DNER: variants seen among roughly 807,000 people sequenced by gnomAD.
The protein encoded by DNER is delta and Notch-like epidermal growth factor-related receptor.
DNER carries 33 observed loss-of-function variants against 78.2 expected under a neutral mutation model. The ratio of observed to expected loss-of-function variants is 0.42; its 90% CI spans 0.32 to 0.56. DNER has a LOEUF of 0.56. Ranked by LOEUF, DNER falls within the 20% of genes least tolerant of loss-of-function variation. The probability of loss-of-function intolerance (pLI) is 0.11; values close to 1 mark genes in which losing one functional copy is unlikely to be tolerated. For synonymous variants in DNER, 417 were observed against 384.8 expected (o/e 1.08, Z -0.98); for missense variants, 918 against 975.3 (o/e 0.94, Z 0.78).
chr2:229,674,930 T>G (rs1384921868), intron 1 of DNER, among the ~76,000 whole-genome samples: 1 of 152,222 alleles, frequency 6.6e-6, no homozygotes, highest in Non-Finnish European at 1.5e-5. Context: ...AGCTGGAAGA[T>G]GTCCCTCATG....
At chr2:229,664,005 A>G (rs1392812259) in intron 1 of DNER, among the ~76,000 whole-genome samples, 1 of 152,174 alleles carries the variant, frequency 6.6e-6, no homozygotes, top group Non-Finnish European at 1.5e-5. Context: ...ACATTCCAAA[A>G]AGGCCTTGAA....
intron 6 of DNER, among the ~76,000 whole-genome samples, chr2:229,487,596 G>A (rs1477749309): frequency 1.3e-5 from 2 of 152,188 alleles, no homozygotes; most frequent in Non-Finnish European, 1.5e-5. Context: ...CAAGTTAGGG[G>A]ATTGACTTAA....
intron 5 of DNER, among the ~76,000 whole-genome samples, chr2:229,517,287 G>T (rs529772046): frequency 1.3e-5 from 2 of 152,290 alleles, no homozygotes; most frequent in Non-Finnish European, 2.9e-5. Context: ...CTCTCCTGGG[G>T]TTTATATTCT....
chr2:229,644,463 C>T (rs1698679594), intron 1 of DNER, among the ~76,000 whole-genome samples: 1 of 151,410 alleles, frequency 6.6e-6, no homozygotes, highest in Non-Finnish European at 1.5e-5. Context: ...CCTACCTCAG[C>T]CTCCTGTAAT....
chr2:229,680,173 GAAT>G (rs1699362336), intron 1 of DNER, among the ~76,000 whole-genome samples: 1 of 152,122 alleles, frequency 6.6e-6, no homozygotes, highest in African/African-American at 2.4e-5. Context: ...ATCCACAGAG[GAAT>G]AATGGTACAA....
chr2:229,358,672 C>T (rs755150645), intron 12 of DNER, 21 bp from the exon 13 acceptor site: 9 of 1,601,202 alleles, frequency 5.6e-6, no homozygotes, highest in Non-Finnish European at 6.8e-6. Flanking sequence ...AGAGAAAGGA[C>T]TCTGGTTAGA....
At chr2:229,455,512 T>G (rs573114047) in intron 7 of DNER, among the ~76,000 whole-genome samples, 2 of 152,178 alleles carry the variant, frequency 1.3e-5, no homozygotes, top group South Asian at 4.1e-4. Flanking sequence ...ATTTTCACAT[T>G]TGTATGAATC....
At chr2:229,606,871 G>A (rs1271399338) in intron 1 of DNER, among the ~76,000 whole-genome samples, 1 of 152,014 alleles carries the variant, frequency 6.6e-6, no homozygotes, top group Non-Finnish European at 1.5e-5. Flanking sequence ...TCCATCCTAG[G>A]CAACGAGAGC....
chr2:229,383,148 T>G (rs779141046), intron 11 of DNER, among the ~76,000 whole-genome samples: 1 of 152,196 alleles, frequency 6.6e-6, no homozygotes, highest in East Asian at 1.9e-4. Flanking sequence ...CAGAATTTCA[T>G]ATCCAGCCAA....
intron 6 of DNER, among the ~76,000 whole-genome samples, chr2:229,509,320 CA>C (rs1695815004): frequency 6.6e-6 from 1 of 152,186 alleles, no homozygotes; most frequent in South Asian, 2.1e-4. Flanking sequence ...ACATTACTTC[CA>C]AAAGAGATAT....
intron 6 of DNER, among the ~76,000 whole-genome samples, chr2:229,508,023 A>G (rs919046448): frequency 7.9e-5 from 12 of 152,204 alleles, no homozygotes; most frequent in African/African-American, 2.7e-4. Context: ...AATCAACAAG[A>G]AGAGTGTGCA....
At chr2:229,686,931 C>T (rs1699492863) in intron 1 of DNER, among the ~76,000 whole-genome samples, 1 of 152,214 alleles carries the variant, frequency 6.6e-6, no homozygotes, top group Admixed American at 6.5e-5. Context: ...ATCCCAAAAT[C>T]TTTACATAAC....
chr2:229,500,607 G>A (rs75242787), intron 6 of DNER, among the ~76,000 whole-genome samples: 18,977 of 152,100 alleles, frequency 0.12, 1,322 homozygotes, highest in South Asian at 0.2. Flanking sequence ...CATTATTTAC[G>A]AATAGTCAAG....
At chr2:229,680,367 C>G (rs1699365355) in intron 1 of DNER, among the ~76,000 whole-genome samples, 1 of 152,166 alleles carries the variant, frequency 6.6e-6, no homozygotes, top group South Asian at 2.1e-4. Flanking sequence ...CATTGGCCAA[C>G]TCTTAATTGG....
At chr2:229,554,937 G>GA (rs1559165514) in intron 4 of DNER, among the ~76,000 whole-genome samples, 14 of 32,234 alleles carry the variant, frequency 4.3e-4, no homozygotes, top group Non-Finnish European at 4.9e-4. Context: ...GAAGAGAAGA[G>GA]AGAAAAGGGA....
At position 229,367,047 on chromosome 2, in the gene DNER, A is replaced by G; in HGVS notation, c.1928T>C (p.Ile643Thr). The change falls in exon 12 of 13, where the codon ATT becomes ACT. Residue 643 changes from isoleucine to threonine, a missense_variant. By Grantham distance (89) the Ile-to-Thr change is moderately conservative. Coordinates refer to ENST00000341772, the MANE Select transcript of DNER (RefSeq NM_139072.4). ...GATGAAGGCCACGCAGAGGGCTCCA[A>G]TGATGATGTAGAGGGAGTGCCGTGG... ...NMPRHSLYIIIGALCVAFILM... is the reference protein window; with the variant it reads ...NMPRHSLYIITGALCVAFILM... 1 of 1,614,096 alleles carries G rather than the reference A, an allele frequency of 6.2e-7. No individual in the cohort carries two copies.
chr2:229,668,047 GC>G (rs1340219197), intron 1 of DNER, among the ~76,000 whole-genome samples: 1 of 152,140 alleles, frequency 6.6e-6, no homozygotes, highest in African/African-American at 2.4e-5. Context: ...CCCAAATCTT[GC>G]CAAATAGTGT....
chr2:229,505,220 T>TGTGTGTGTGTGGG (rs1478541943), intron 6 of DNER, among the ~76,000 whole-genome samples: 1 of 32,322 alleles, frequency 3.1e-5, no homozygotes, highest in African/African-American at 7.5e-5. Context: ...GTGTGTGTGT[T>TGTGTGTGTGTGGG]GGCTACAATA....
intron 12 of DNER, among the ~76,000 whole-genome samples, chr2:229,365,321 T>A (rs2106325687): frequency 6.6e-6 from 1 of 152,232 alleles, no homozygotes; most frequent in East Asian, 1.9e-4. Flanking sequence ...ATGCTCAACC[T>A]CTACGGGCCT....
Sources: allele counts gnomAD v4.1 joint callset (sites outside exome capture counted in the v4.1 genomes callset), GRCh38; gene constraint gnomAD v4.1.1; transcripts MANE v1.5; gene names NCBI Gene and HGNC (gene_info 2026-07-23, HGNC 2026-07-21).